The following NPAS3 variants were observed in gnomAD, a reference collection of about 807,000 sequenced individuals.
The protein encoded by NPAS3 is neuronal PAS domain-containing protein 3.
A neutral mutation model predicts 73.1 loss-of-function variants in NPAS3; 14 were observed. The observed-to-expected ratio is 0.19, with a 90% CI of 0.13 to 0.30. The LOEUF (loss-of-function observed/expected upper bound fraction) is 0.30, where lower values mean the gene tolerates loss of function less well. NPAS3 is among the 10% of genes least tolerant of loss of function. The pLI is 1.00. For missense variants in NPAS3, 1,096 were observed against 1,250.0 expected (o/e 0.88, Z 1.86); for synonymous variants, 620 against 541.5 (o/e 1.14, Z -2.01).
intron 4 of NPAS3, among the ~76,000 whole-genome samples, chr14:33,413,393 T>A (rs1356512698): frequency 1.3e-5 from 2 of 152,162 alleles, no homozygotes; most frequent in African/African-American, 4.8e-5. Flanking sequence ...GTGACTCTCC[T>A]ATCAAGACTG....
chr14:33,192,619 G>T (rs2046210704), intron 2 of NPAS3, among the ~76,000 whole-genome samples: 1 of 152,138 alleles, frequency 6.6e-6, no homozygotes, highest in Non-Finnish European at 1.5e-5. Flanking sequence ...GGAAAATAGG[G>T]CATCTTACCT....
At chr14:33,549,168 C>G (rs1280157995) in intron 4 of NPAS3, among the ~76,000 whole-genome samples, 1 of 152,130 alleles carries the variant, frequency 6.6e-6, no homozygotes, top group East Asian at 1.9e-4. Context: ...TTGCATAAAA[C>G]CTTTCACTTC....
At chr14:33,465,141 T>C (rs1436307031) in intron 4 of NPAS3, among the ~76,000 whole-genome samples, 1 of 152,184 alleles carries the variant, frequency 6.6e-6, no homozygotes, top group African/African-American at 2.4e-5. Flanking sequence ...CCATTTACAA[T>C]TTTATTAATC....
At chr14:33,614,907 GAATGTAAGAAGC>G (rs150152067) in intron 5 of NPAS3, among the ~76,000 whole-genome samples, 15,543 of 152,112 alleles carry the variant, frequency 0.1, 1,336 homozygotes, top group African/African-American at 0.23. Flanking sequence ...GTGCAAAGCA[GAATGTAAGAAGC>G]AATGTAAGAA....
intron 2 of NPAS3, among the ~76,000 whole-genome samples, chr14:33,114,816 G>A (rs2043007952): frequency 6.6e-6 from 1 of 152,152 alleles, no homozygotes; most frequent in African/African-American, 2.4e-5. Context: ...TAATGTAAAA[G>A]AAGTCTCAAC....
intron 2 of NPAS3, among the ~76,000 whole-genome samples, chr14:33,070,399 G>A (rs961954439): frequency 6.6e-6 from 1 of 152,064 alleles, no homozygotes; most frequent in Admixed American, 6.5e-5. Context: ...GACATCTTTA[G>A]TGTCAGAGGT....
At chr14:33,175,749 A>G (rs1181243755) in intron 2 of NPAS3, among the ~76,000 whole-genome samples, 1 of 152,206 alleles carries the variant, frequency 6.6e-6, no homozygotes, top group East Asian at 1.9e-4. Flanking sequence ...GGATGACATC[A>G]TATTCAATAG....
chr14:33,718,000 T>G (rs1595494616), intron 6 of NPAS3, among the ~76,000 whole-genome samples: 2 of 66,838 alleles, frequency 3.0e-5, no homozygotes, highest in Admixed American at 1.2e-4. Context: ...TTGTAATGGG[T>G]TTTTTTTTTT....
At chr14:33,593,134 T>C (rs1297513715) in intron 5 of NPAS3, among the ~76,000 whole-genome samples, 2 of 152,078 alleles carry the variant, frequency 1.3e-5, no homozygotes, top group Non-Finnish European at 2.9e-5. Flanking sequence ...CACCTATCGT[T>C]TATGAAGTGT....
chr14:33,551,361 T>G (rs2055105437), intron 4 of NPAS3, among the ~76,000 whole-genome samples: 1 of 152,184 alleles, frequency 6.6e-6, no homozygotes, highest in Non-Finnish European at 1.5e-5. Flanking sequence ...AAAGCATTTA[T>G]TATTTTGTCT....
At chr14:33,196,510 G>A (rs2046359472) in intron 2 of NPAS3, among the ~76,000 whole-genome samples, 1 of 152,146 alleles carries the variant, frequency 6.6e-6, no homozygotes, top group Non-Finnish European at 1.5e-5. Context: ...GCTCATGTGA[G>A]GATCTGTTAG....
At chr14:33,356,690 G>T (rs2045352642) in intron 3 of NPAS3, among the ~76,000 whole-genome samples, 2 of 152,152 alleles carry the variant, frequency 1.3e-5, no homozygotes, top group African/African-American at 4.8e-5. Flanking sequence ...TCTTGACTTG[G>T]GGTCTATGGC....
chr14:33,542,990 T>C (rs1198048629), intron 4 of NPAS3, among the ~76,000 whole-genome samples: 1 of 152,216 alleles, frequency 6.6e-6, no homozygotes, highest in African/African-American at 2.4e-5. Context: ...TCAGGTGTTT[T>C]CTTTTCTCCT....
chr14:33,591,473 A>G (rs969362100), intron 5 of NPAS3, among the ~76,000 whole-genome samples: 1 of 152,204 alleles, frequency 6.6e-6, no homozygotes, highest in Non-Finnish European at 1.5e-5. Context: ...CGTGGGCGGT[A>G]AAAGCTCTGC....
rs972020967 is a variant in NPAS3 at position 33,800,645 on chromosome 14, G to A, written c.2338G>A (p.Ala780Thr). ...CGGCGCGGGGGGCGGCGGCCCCAGC[G>A]CGTCCAACTCCTTGCTGTACACTGG... The change falls in exon 12 of 12, where the codon GCG becomes ACG. Residue 780 changes from alanine (A) to threonine (T), a missense_variant. Coordinates refer to ENST00000356141, the Ensembl canonical transcript of NPAS3. This position sits in a 1 kb window ranked among gnomAD's most constrained non-coding sequence, Gnocchi z 6.5. 9 of 1,446,298 alleles carry A rather than the reference G, an allele frequency of 6.2e-6. No individual in the cohort carries two copies. The African/African-American group carries it at 1.0e-4, about 17-fold the overall frequency. The allele number at this position is 1,446,298 out of a possible 1,614,324, so 89.6% of individuals were successfully genotyped here. A position where few individuals can be genotyped will look rare whatever the true frequency, so the allele number is the denominator to read the frequency against.
intron 3 of NPAS3, among the ~76,000 whole-genome samples, chr14:33,276,431 A>G (rs1421514599): frequency 6.6e-6 from 1 of 152,140 alleles, no homozygotes; most frequent in Non-Finnish European, 1.5e-5. Flanking sequence ...CATTTGTTCT[A>G]GTCCTCCCAT....
At chr14:33,743,846 T>G (rs1181697681) in intron 7 of NPAS3, among the ~76,000 whole-genome samples, 1 of 152,248 alleles carries the variant, frequency 6.6e-6, no homozygotes, top group Non-Finnish European at 1.5e-5. Flanking sequence ...GTTATGGAGA[T>G]GGCTTCTTTC....
chr14:33,097,270 T>C (rs1287545278), intron 2 of NPAS3, among the ~76,000 whole-genome samples: 1 of 152,194 alleles, frequency 6.6e-6, no homozygotes, highest in African/African-American at 2.4e-5. Context: ...GATAGATTAG[T>C]TTTATCTACT....
intron 5 of NPAS3, among the ~76,000 whole-genome samples, chr14:33,586,435 T>C (rs2056864819): frequency 6.6e-6 from 1 of 152,066 alleles, no homozygotes; most frequent in African/African-American, 2.4e-5. Flanking sequence ...AAGAATATAA[T>C]AACTGAAAGA....
Sources: allele counts gnomAD v4.1 joint callset (sites outside exome capture counted in the v4.1 genomes callset), GRCh38; gene constraint gnomAD v4.1.1; non-coding constraint Gnocchi (gnomAD v3.1); transcripts MANE v1.5; gene names NCBI Gene and HGNC (gene_info 2026-07-23, HGNC 2026-07-21).